Variants in PIK3CD observed in about 807,000 individuals in gnomAD.
The protein encoded by PIK3CD is phosphatidylinositol-4,5-bisphosphate 3-kinase catalytic subunit delta.
PIK3CD carries 20 observed loss-of-function variants against 122.9 expected under a neutral mutation model. The ratio of observed to expected loss-of-function variants is 0.16; its 90% CI spans 0.11 to 0.24. PIK3CD has a LOEUF of 0.24. PIK3CD is among the 10% of genes least tolerant of loss of function. PIK3CD has a pLI of 1.00. For missense variants in PIK3CD, 787 were observed against 1,406.3 expected (o/e 0.56, Z 7.04); for synonymous variants, 596 against 593.4 (o/e 1.00, Z -0.06).
At chr1:9,660,241 G>A (rs1644973050) in intron 1 of PIK3CD, among the ~76,000 whole-genome samples, 1 of 152,208 alleles carries the variant, frequency 6.6e-6, no homozygotes, top group African/African-American at 2.4e-5. Context: ...CCATTCACCC[G>A]ATGGACACTT....
chr1:9,675,181 C>T (rs572522082), intron 1 of PIK3CD, among the ~76,000 whole-genome samples: 1 of 151,258 alleles, frequency 6.6e-6, no homozygotes, highest in African/African-American at 2.4e-5. Context: ...GTCAGGAGAT[C>T]GAGACCATCC....
chr1:9,716,280 C>A, intron 5 of PIK3CD, 160 bp from the exon 6 acceptor site: 3 of 817,512 alleles, frequency 3.7e-6, no homozygotes, highest in Non-Finnish European at 6.1e-6. Context: ...TGGCGTGGGG[C>A]ATTGGGCATC....
In PIK3CD at chr1:9,707,170, C is replaced by T. The variant is rs6659892; in HGVS notation, c.-32-3254C>T. On this transcript the variant is annotated intron_variant, in intron 2 of 23. Coordinates refer to ENST00000377346, the MANE Select transcript of PIK3CD (RefSeq NM_005026.5). ...ACCTGGACGTTACCTATGTGGTTCC[C>T]GTTGCCTTTCTCTTGGGCAACACTC... is the stretch of plus-strand genomic sequence containing the variant. Among the ~76,000 whole-genome samples the T allele has an allele frequency of 7.9e-3, 1,206 of 151,948 alleles. 15 individuals carry two copies. The highest frequency in any genetic ancestry group is 0.028 in the African/African-American group (1,143 of 41,436).
At position 9,689,826 on chromosome 1, in the gene PIK3CD, G is replaced by C. The variant is rs1220204398; in HGVS notation, c.-137-1641G>C. ...GCCCCGGGCTTTGTCCGCCTGGGGC[G>C]GGGTGGGCAGGGTCGGTGGAGGCGA... On this transcript the variant is annotated intron_variant, in intron 1 of 23. Coordinates refer to ENST00000377346, the MANE Select transcript of PIK3CD (RefSeq NM_005026.5). This position sits in a 1 kb window ranked among gnomAD's most constrained non-coding sequence, Gnocchi z 6.1. Among the ~76,000 whole-genome samples the C allele has an allele frequency of 2.6e-5, 4 of 151,930 alleles. No individual in the cohort carries two copies. The East Asian group carries it at 5.8e-4, about 22-fold the overall frequency.
rs576286773 is a variant in PIK3CD, at chr1:9,675,302, C to T, written c.-137-16165C>T. Among the ~76,000 whole-genome samples, 14 of 142,368 alleles carry T rather than the reference C, an allele frequency of 9.8e-5. No individual in the cohort carries two copies. The East Asian group carries it at 2.4e-3, about 25-fold the overall frequency. The allele number at this position is 142,368 out of a possible 152,430, so 93.4% of individuals were successfully genotyped here. A position where few individuals can be genotyped will look rare whatever the true frequency, so the allele number is the denominator to read the frequency against. On this transcript the variant is annotated intron_variant, in intron 1 of 23. Transcript: ENST00000377346. The stretch of plus-strand genomic sequence containing the variant: ...TCGGGAGGCTGAGGCAGGAGAATGG[C>T]GTGAACCTGGGAGGCGGAGCTTGCA...
At chr1:9,711,247 C>T (rs1435511730) in intron 3 of PIK3CD, among the ~76,000 whole-genome samples, 5 of 151,462 alleles carry the variant, frequency 3.3e-5, no homozygotes, top group African/African-American at 1.2e-4. Context: ...GCGTGCACCA[C>T]CACACCTGGC....
In PIK3CD at chr1:9,720,069, A is replaced by G; in HGVS notation, c.1340-43A>G. The G allele has an allele frequency of 6.2e-7, 1 of 1,613,312 alleles. No homozygotes were observed. Among genetic ancestry groups the G allele is most frequent in the Non-Finnish European group, 8.5e-7 (1 of 1,179,972 alleles). The stretch of plus-strand genomic sequence containing the variant: ...CGTTGGGAGTGTGAGGGTCCCAGAG[A>G]TGCTGGTCACCCCTCTACAACTTCA... On this transcript the variant is annotated intron_variant, in intron 10 of 23. Coordinates refer to ENST00000377346, the MANE Select transcript of PIK3CD (RefSeq NM_005026.5). The surrounding 1 kb of genome is among the most constrained non-coding windows in gnomAD (Gnocchi z 9.0).
At position 9,720,898 on chromosome 1, in the gene PIK3CD, GA is replaced by G; in HGVS notation, c.1679del (p.Asp560ValfsTer18). The G allele has an allele frequency of 6.3e-7, 1 of 1,595,368 alleles. No individual in the cohort carries two copies. Among genetic ancestry groups the G allele is most frequent in the Non-Finnish European group, 8.5e-7 (1 of 1,171,214 alleles). ...GGTCACCAAGTGGAACAAGCATGAG[GA>G]TGTGGCCCAGGTGGGTGGGGAGGCG... ...LLVTKWNKHE[D>X]VAQMLYLLCS... On this transcript the variant is annotated frameshift_variant, in exon 13 of 24. Coordinates refer to ENST00000377346, the MANE Select transcript of PIK3CD (RefSeq NM_005026.5). LOFTEE classifies it high-confidence loss of function. The surrounding 1 kb of genome is among the most constrained non-coding windows in gnomAD (Gnocchi z 9.0).
intron 2 of PIK3CD, among the ~76,000 whole-genome samples, chr1:9,706,281 A>T (rs1403595450): frequency 6.6e-6 from 1 of 151,270 alleles, no homozygotes; most frequent in Non-Finnish European, 1.5e-5. Context: ...ACTTGAGCCC[A>T]GGAGTTCGAG....
rs368197254 is a variant in PIK3CD, at chr1:9,708,172, T to TTTTGTTTG, written c.-32-2227_-32-2220dup. On this transcript the variant is annotated intron_variant, in intron 2 of 23. Coordinates refer to ENST00000377346, the MANE Select transcript of PIK3CD (RefSeq NM_005026.5). ...AAGACTCCGTGTGTACATACAGGCT[T>TTTTGTTTG]TTTGTTTGTTTGTTTGTTTGTTTGT... is the stretch of plus-strand genomic sequence containing the variant. Among the ~76,000 whole-genome samples the TTTTGTTTG allele has an allele frequency of 5.9e-3, 899 of 151,276 alleles. 10 individuals carry two copies. The highest frequency in any genetic ancestry group is 0.021 in the African/African-American group (848 of 41,102).
chr1:9,642,544 T>C, the PIK3CD span, among the ~76,000 whole-genome samples: 19 of 148,694 alleles, frequency 1.3e-4, no homozygotes, highest in African/African-American at 3.9e-4. Context: ...GGTGAAACCC[T>C]GTCTCTACTA....
chr1:9,654,463 A>G, intron 1 of PIK3CD: 1 of 985,886 alleles, frequency 1.0e-6, no homozygotes, highest in Non-Finnish European at 1.3e-6. Flanking sequence ...TACAGGACAG[A>G]CAGTCCACCA....
Position 9,689,294 on chromosome 1 carries a change from AG to A in PIK3CD, c.-137-2170del, listed in dbSNP as rs1418700935. Reference sequence around the variant, plus strand: ...TCTGGGGCTCAGGGTGCGAACCCCAAGGGCCCCGCCTGGCAGCGTCCTGGGC... The same window carrying A: ...TCTGGGGCTCAGGGTGCGAACCCCAAGGCCCCGCCTGGCAGCGTCCTGGGC... On this transcript the variant is annotated intron_variant, in intron 1 of 23. Transcript: ENST00000377346. The surrounding 1 kb of genome is among the most constrained non-coding windows in gnomAD (Gnocchi z 6.1). Among the ~76,000 whole-genome samples the A allele has an allele frequency of 6.6e-6, 1 of 152,142 alleles. No individual in the cohort carries two copies. Among genetic ancestry groups the A allele is most frequent in the African/African-American group, 2.4e-5 (1 of 41,440 alleles).
At chr1:9,683,709 G>A (rs1294944122) in intron 1 of PIK3CD, among the ~76,000 whole-genome samples, 3 of 152,136 alleles carry the variant, frequency 2.0e-5, no homozygotes, top group African/African-American at 7.2e-5. Flanking sequence ...CAAGCTCAGC[G>A]GTATAAAGCA....
At chr1:9,663,014 T>C (rs1422168919) in intron 1 of PIK3CD, among the ~76,000 whole-genome samples, 1 of 152,128 alleles carries the variant, frequency 6.6e-6, no homozygotes, top group Non-Finnish European at 1.5e-5. Flanking sequence ...TATCAAACTA[T>C]TGCTCTGCGG....
At chr1:9,632,312 T>G in the PIK3CD span, among the ~76,000 whole-genome samples, 3 of 151,902 alleles carry the variant, frequency 2.0e-5, no homozygotes, top group South Asian at 2.1e-4. Flanking sequence ...GCACCTGGCT[T>G]CTTCTTTCTT....
At chr1:9,666,889 G>A (rs1208885232) in intron 1 of PIK3CD, among the ~76,000 whole-genome samples, 1 of 147,920 alleles carries the variant, frequency 6.8e-6, no homozygotes, top group Admixed American at 6.7e-5. Context: ...TTTCAGAGAT[G>A]GAGTCTCGCT....
intron 1 of PIK3CD, among the ~76,000 whole-genome samples, chr1:9,673,294 C>G (rs899019931): frequency 6.6e-6 from 1 of 151,980 alleles, no homozygotes; most frequent in Non-Finnish European, 1.5e-5. Context: ...GAGTCTCCCT[C>G]TGTCGCCCCG....
chr1:9,642,062 A>C, the PIK3CD span, among the ~76,000 whole-genome samples: 2 of 152,124 alleles, frequency 1.3e-5, no homozygotes, highest in South Asian at 4.2e-4. Flanking sequence ...TACTACAGGG[A>C]GTGCAGCCTG....
Sources: allele counts gnomAD v4.1 joint callset (sites outside exome capture counted in the v4.1 genomes callset), GRCh38; gene constraint gnomAD v4.1.1; non-coding constraint Gnocchi (gnomAD v3.1); transcripts MANE v1.5; gene names NCBI Gene and HGNC (gene_info 2026-07-23, HGNC 2026-07-21).